Variants in FAM13C observed in about 807,000 individuals in gnomAD.
FAM13C encodes family with sequence similarity 13 member C, also known as protein FAM13C.
In FAM13C, 37 loss-of-function variants were observed where a neutral mutation model predicts 73.2. The ratio of observed to expected loss-of-function variants is 0.51; its 90% confidence interval spans 0.39 to 0.67. The LOEUF is 0.67. FAM13C is among the 30% of genes least tolerant of loss of function. FAM13C has a pLI of 0.00. For missense variants in FAM13C, 589 were observed against 715.6 expected (o/e 0.82, Z 2.02); for synonymous variants, 246 against 260.9 (o/e 0.94, Z 0.55).
At chr10:59,259,744 G>A (rs892592882) in intron 10 of FAM13C, among the ~76,000 whole-genome samples, 2 of 152,066 alleles carry the variant, frequency 1.3e-5, no homozygotes, top group African/African-American at 2.4e-5. Context: ...AGAAATGATT[G>A]GCATTTATAC....
intron 1 of FAM13C, among the ~76,000 whole-genome samples, chr10:59,361,733 A>T (rs1366052373): frequency 6.6e-6 from 1 of 152,172 alleles, no homozygotes; most frequent in Non-Finnish European, 1.5e-5. Flanking sequence ...AAACTATAGC[A>T]TATAAATATC....
intron 13 of FAM13C, among the ~76,000 whole-genome samples, chr10:59,248,900 G>C (rs1158644121): frequency 6.6e-6 from 1 of 152,050 alleles, no homozygotes; most frequent in Non-Finnish European, 1.5e-5. Flanking sequence ...TCCATAGACA[G>C]CATTCTTCTT....
Position 59,247,447 on chromosome 10 carries a change from CT to C in FAM13C, c.*166del. On this transcript the variant is annotated 3_prime_UTR_variant, in exon 14 of 14. Transcript: ENST00000618804. ...TGTATTCTTCCCCCCGTTTAAATCC[CT>C]TCTCCTTGTATATAATTAAACTTGC... The C allele has an allele frequency of 1.3e-6, 1 of 793,916 alleles. No homozygotes were observed. Among genetic ancestry groups the C allele is most frequent in the Non-Finnish European group, 2.0e-6 (1 of 498,858 alleles). The allele number at this position is 793,916 out of a possible 1,614,324, so 49.2% of individuals were successfully genotyped here.
At chr10:59,264,271 A>T in intron 8 of FAM13C, 105 bp from the exon 9 acceptor site, 1 of 740,678 alleles carries the variant, frequency 1.4e-6, no homozygotes, top group South Asian at 1.7e-5. Context: ...GATGAGCTAC[A>T]CAAAGATAGT....
intron 9 of FAM13C, among the ~76,000 whole-genome samples, chr10:59,263,689 T>C (rs1459056315): frequency 1.3e-5 from 2 of 152,304 alleles, no homozygotes; most frequent in East Asian, 3.9e-4. Context: ...CTTCCAGCTA[T>C]GTAACCCTCC....
intron 10 of FAM13C, among the ~76,000 whole-genome samples, chr10:59,260,150 A>G (rs2452502): frequency 0.99 from 150,254 of 152,082 alleles, 74,249 homozygotes; most frequent in Middle Eastern, 1. Context: ...TACTTTGAAT[A>G]TATCCACTTC....
chr10:59,292,031 G>A (rs1247497544), intron 5 of FAM13C, among the ~76,000 whole-genome samples: 5 of 151,878 alleles, frequency 3.3e-5, no homozygotes, highest in Non-Finnish European at 5.9e-5. Context: ...CTCGTGGTCC[G>A]CCCACCTTGG....
chr10:59,268,410 A>G, intron 8 of FAM13C, 143 bp downstream of exon 8: 3 of 919,042 alleles, frequency 3.3e-6, no homozygotes, highest in Non-Finnish European at 4.9e-6. Flanking sequence ...GAAGATGAAG[A>G]CTCTATGATA....
intron 4 of FAM13C, among the ~76,000 whole-genome samples, chr10:59,311,601 C>T (rs753129682): frequency 2.0e-5 from 3 of 152,186 alleles, no homozygotes; most frequent in Non-Finnish European, 4.4e-5. Flanking sequence ...GACACTTCTG[C>T]CCACCTCAAG....
chr10:59,353,147 G>A (rs1589725540), intron 2 of FAM13C, among the ~76,000 whole-genome samples: 1 of 152,276 alleles, frequency 6.6e-6, no homozygotes, highest in South Asian at 2.1e-4. Context: ...GATGGAAGAG[G>A]GCGGTGTTAT....
At chr10:59,342,040 A>G (rs925887588) in intron 3 of FAM13C, among the ~76,000 whole-genome samples, 1 of 152,164 alleles carries the variant, frequency 6.6e-6, no homozygotes. Context: ...TTGTGCCAGG[A>G]GCGATGTCAC....
intron 3 of FAM13C, among the ~76,000 whole-genome samples, chr10:59,344,007 G>A (rs1853889370): frequency 6.7e-6 from 1 of 149,354 alleles, no homozygotes; most frequent in South Asian, 2.1e-4. Flanking sequence ...TGTCGCCCAG[G>A]CTGGAGTGCA....
chr10:59,283,785 C>A lies in FAM13C; in HGVS notation c.508-338G>T, dbSNP rs146818283. 2,575 of 510,704 alleles carry A rather than the reference C, an allele frequency of 5.0e-3. 18 individuals are homozygous for A. The highest frequency in any genetic ancestry group is 5.2e-3 in the Non-Finnish European group (1,490 of 284,466). The allele number at this position is 510,704 out of a possible 1,614,324, so 31.6% of individuals were successfully genotyped here. On this transcript the variant is annotated intron_variant, in intron 5 of 13. Transcript: ENST00000618804. Reference sequence around the variant, plus strand: ...AGCAAGAGACGCTGCATCTGGAGAACCAATCTGAGAAGATATCTGCTTCCC... The same window carrying A: ...AGCAAGAGACGCTGCATCTGGAGAAACAATCTGAGAAGATATCTGCTTCCC...
At chr10:59,311,241 G>A (rs1470066989) in intron 4 of FAM13C, among the ~76,000 whole-genome samples, 1 of 152,166 alleles carries the variant, frequency 6.6e-6, no homozygotes, top group Non-Finnish European at 1.5e-5. Context: ...GGTGCACAGG[G>A]CCAGCTTCAG....
chr10:59,276,947 G>A (rs1160402678), intron 6 of FAM13C, among the ~76,000 whole-genome samples: 2 of 152,124 alleles, frequency 1.3e-5, no homozygotes, highest in East Asian at 3.9e-4. Flanking sequence ...CTTGCAAATG[G>A]GTCCTGAATT....
At chr10:59,315,785 G>A (rs893421318) in intron 4 of FAM13C, among the ~76,000 whole-genome samples, 1 of 152,092 alleles carries the variant, frequency 6.6e-6, no homozygotes, top group Non-Finnish European at 1.5e-5. Flanking sequence ...AAACTGGATT[G>A]TCTCCAACAT....
chr10:59,262,671 T>A, intron 9 of FAM13C, 26 bp from the exon 10 acceptor site: 1 of 1,593,748 alleles, frequency 6.3e-7, no homozygotes. Context: ...TGAGTTATCA[T>A]AAGCAAAGAG....
chr10:59,255,758 C>T (rs775483804), intron 10 of FAM13C, among the ~76,000 whole-genome samples: 16 of 152,184 alleles, frequency 1.1e-4, no homozygotes, highest in Non-Finnish European at 1.9e-4. Flanking sequence ...TCCCAACTCC[C>T]ATCCCAATTG....
intron 10 of FAM13C, among the ~76,000 whole-genome samples, chr10:59,257,069 G>T (rs1842015116): frequency 6.6e-6 from 1 of 152,140 alleles, no homozygotes; most frequent in African/African-American, 2.4e-5. Flanking sequence ...TGAATGGATT[G>T]TCATAAAGAT....
Sources: gnomAD v4.1 joint callset for allele counts (sites outside exome capture counted in the v4.1 genomes callset) on GRCh38, gnomAD v4.1.1 for gene constraint, MANE v1.5 for transcripts, NCBI Gene and HGNC (gene_info 2026-07-23, HGNC 2026-07-21) for gene names.